The following KLHL1 variants were observed in gnomAD, a reference collection of about 807,000 sequenced individuals.
KLHL1 encodes the protein kelch like family member 1.
In KLHL1, 47 loss-of-function variants were observed where a neutral mutation model predicts 77.7. The ratio of observed to expected loss-of-function variants is 0.60; its 90% confidence interval spans 0.48 to 0.77. The LOEUF (loss-of-function observed/expected upper bound fraction) is 0.77, where lower values mean the gene tolerates loss of function less well. KLHL1 is among the 30% of genes least tolerant of loss of function. KLHL1 has a pLI of 0.00. For synonymous variants in KLHL1, 360 were observed against 325.2 expected, an observed-to-expected ratio of 1.11 and a Z score of -1.15; for missense variants, 925 against 910.8, an observed-to-expected ratio of 1.02 and a Z score of -0.20.
At chr13:69,982,476 T>TAAAAA (rs1555287857) in intron 1 of KLHL1, among the ~76,000 whole-genome samples, 5 of 135,638 alleles carry the variant, frequency 3.7e-5, no homozygotes, top group African/African-American at 1.4e-4. Flanking sequence ...ATAATAATAA[T>TAAAAA]AATAAAATAA....
At chr13:70,087,018 T>A (rs1887560634) in intron 1 of KLHL1, among the ~76,000 whole-genome samples, 1 of 152,142 alleles carries the variant, frequency 6.6e-6, no homozygotes, top group East Asian at 1.9e-4. Flanking sequence ...GTGTGAATCA[T>A]GGACTGATAT....
At chr13:69,768,026 G>A (rs936771908) in intron 7 of KLHL1, among the ~76,000 whole-genome samples, 2 of 152,136 alleles carry the variant, frequency 1.3e-5, no homozygotes, top group Non-Finnish European at 2.9e-5. Context: ...ACATTTGTTT[G>A]TATGTTTCAT....
At chr13:69,917,667 G>T (rs1160440856) in intron 4 of KLHL1, among the ~76,000 whole-genome samples, 9 of 152,072 alleles carry the variant, frequency 5.9e-5, no homozygotes, top group Admixed American at 5.9e-4. Context: ...AATGTACACA[G>T]TCATTTATAA....
intron 7 of KLHL1, among the ~76,000 whole-genome samples, chr13:69,758,249 CT>C (rs1305071800): frequency 1.3e-5 from 2 of 151,936 alleles, no homozygotes; most frequent in Non-Finnish European, 2.9e-5. Context: ...CCAATTTTTA[CT>C]TTTATATTAG....
At position 69,701,455 on chromosome 13, in the gene KLHL1, A is replaced by G; in HGVS notation, c.*247T>C. On this transcript the variant is annotated 3_prime_UTR_variant, in exon 11 of 11. Transcript: ENST00000377844. ...CTAGTTATTGTATGCTATAATACAA[A>G]ACAAATTACCAATAACCATTCCCGA... 2.4e-6 allele frequency: 1 copy of G among 409,230 alleles called. No individual in the cohort carries two copies. Among genetic ancestry groups the G allele is most frequent in the South Asian group, 3.9e-5 (1 of 25,528 alleles). The allele number at this position is 409,230 out of a possible 1,614,324, so 25.3% of individuals were successfully genotyped here. A position where few individuals can be genotyped will look rare whatever the true frequency, so the allele number is the denominator to read the frequency against.
intron 5 of KLHL1, among the ~76,000 whole-genome samples, chr13:69,863,230 G>C (rs1880240459): frequency 6.6e-6 from 1 of 151,788 alleles, no homozygotes; most frequent in Non-Finnish European, 1.5e-5. Flanking sequence ...ATTCTAATCA[G>C]TACTCAGAGA....
intron 5 of KLHL1, among the ~76,000 whole-genome samples, chr13:69,880,186 G>A (rs1282176753): frequency 6.6e-6 from 1 of 152,014 alleles, no homozygotes; most frequent in South Asian, 2.1e-4. Context: ...TAACCTCTTT[G>A]AGCCTAATAT....
intron 4 of KLHL1, among the ~76,000 whole-genome samples, chr13:69,928,150 A>G (rs1017807078): frequency 6.6e-6 from 1 of 152,216 alleles, no homozygotes; most frequent in African/African-American, 2.4e-5. Context: ...ATTGCTTAAG[A>G]TGTTTTTCAG....
intron 7 of KLHL1, among the ~76,000 whole-genome samples, chr13:69,793,916 T>C (rs1458264677): frequency 6.6e-6 from 1 of 152,124 alleles, no homozygotes; most frequent in African/African-American, 2.4e-5. Context: ...TACTACCCCA[T>C]ATTGTTCCCT....
At chr13:70,091,525 G>A (rs1887673129) in intron 1 of KLHL1, among the ~76,000 whole-genome samples, 1 of 151,828 alleles carries the variant, frequency 6.6e-6, no homozygotes, top group African/African-American at 2.4e-5. Context: ...TATTTCTCTT[G>A]GGCAGCAAAA....
chr13:70,092,148 A>G (rs1398004112), intron 1 of KLHL1, among the ~76,000 whole-genome samples: 1 of 152,182 alleles, frequency 6.6e-6, no homozygotes, highest in East Asian at 1.9e-4. Context: ...ATTTCAGCCT[A>G]TGCAATTGAG....
chr13:69,854,675 T>A (rs544242604), intron 5 of KLHL1, among the ~76,000 whole-genome samples: 24 of 152,094 alleles, frequency 1.6e-4, no homozygotes, highest in Non-Finnish European at 2.5e-4. Context: ...ATGCTGCTTA[T>A]TAATTAATGC....
At position 69,789,429 on chromosome 13, in the gene KLHL1, T is replaced by A. The variant is rs557029263; in HGVS notation, c.1639+7309A>T. Among the ~76,000 whole-genome samples the A allele has an allele frequency of 5.5e-4, 84 of 152,222 alleles. 1 individual carries two copies. Among genetic ancestry groups the A allele is most frequent in the Admixed American group, 5.4e-3 (83 of 15,274 alleles). The stretch of plus-strand genomic sequence containing the variant: ...AAAATATGACTATTGAGTCGAGGAA[T>A]CTGAGATTAAATCCAAAGTTTTCCT... On this transcript the variant is annotated intron_variant, in intron 7 of 10. Transcript: ENST00000377844.
At chr13:69,961,948 T>C (rs1008337957) in intron 2 of KLHL1, among the ~76,000 whole-genome samples, 14 of 152,046 alleles carry the variant, frequency 9.2e-5, no homozygotes, top group African/African-American at 3.4e-4. Flanking sequence ...TAACATATTA[T>C]TCTTTCATAA....
chr13:70,088,116 C>T (rs1475899232), intron 1 of KLHL1, among the ~76,000 whole-genome samples: 3 of 152,078 alleles, frequency 2.0e-5, no homozygotes, highest in Admixed American at 6.5e-5. Context: ...AGCTCAAACA[C>T]TTCTAAGTAA....
rs972061353 is a variant in KLHL1 at position 69,958,876 on chromosome 13, A to C, written c.817+2432T>G. 2.6e-5 allele frequency among the ~76,000 whole-genome samples: 4 copies of C among 151,786 alleles called. No individual in the cohort carries two copies. In the East Asian group the frequency reaches 5.8e-4, roughly 22 times the overall value. On this transcript the variant is annotated intron_variant, in intron 3 of 10. Coordinates refer to ENST00000377844, the MANE Select transcript of KLHL1 (RefSeq NM_020866.3). ...AGTCTTAGATATCTGTCAGCTGGTG[A>C]GTTAGGTAGATAGTACAGTTACCTC...
intron 8 of KLHL1, among the ~76,000 whole-genome samples, chr13:69,737,089 C>T (rs1873795604): frequency 6.6e-6 from 1 of 152,162 alleles, no homozygotes; most frequent in Admixed American, 6.5e-5. Flanking sequence ...GTACAGGGCA[C>T]TGGGAGCTTC....
In KLHL1 at chr13:70,044,209, A is replaced by G. The variant is rs376224508; in HGVS notation, c.497+62994T>C. On this transcript the variant is annotated intron_variant, in intron 1 of 10. Transcript: ENST00000377844. ...TTTGGAGTCTGTTTGTATTTTTAGA[A>G]CTCTACATTTGCTCCCACGTACATG... Among the ~76,000 whole-genome samples the G allele has an allele frequency of 1.5e-3, 231 of 151,934 alleles. 7 individuals carry two copies. In the South Asian group the frequency reaches 0.045, roughly 30 times the overall value.
intron 1 of KLHL1, among the ~76,000 whole-genome samples, chr13:69,998,560 T>G (rs1415499852): frequency 1.3e-5 from 2 of 152,026 alleles, no homozygotes; most frequent in African/African-American, 4.8e-5. Context: ...TAGAAGTAAA[T>G]CACATGGAAA....
Sources: allele counts gnomAD v4.1 joint callset (sites outside exome capture counted in the v4.1 genomes callset), GRCh38; gene constraint gnomAD v4.1.1; transcripts MANE v1.5; gene names NCBI Gene and HGNC (gene_info 2026-07-23, HGNC 2026-07-21).